Variants in SAMD12 observed in about 807,000 individuals in gnomAD.
SAMD12 encodes sterile alpha motif domain containing 12, also known as sterile alpha motif domain-containing protein 12.
Under a neutral mutation model 15.0 loss-of-function variants are expected in SAMD12, and 9 were observed. The ratio of observed to expected loss-of-function variants is 0.60; its 90% CI spans 0.36 to 1.05. The LOEUF (loss-of-function observed/expected upper bound fraction) is 1.05, where lower values mean the gene tolerates loss of function less well. SAMD12 is among the 50% of genes least tolerant of loss of function. The probability of loss-of-function intolerance (pLI) is 0.01; values close to 1 mark genes in which losing one functional copy is unlikely to be tolerated. For missense variants in SAMD12, 230 were observed against 234.2 expected (o/e 0.98, Z 0.12); for synonymous variants, 86 against 90.1 (o/e 0.96, Z 0.25).
intron 2 of SAMD12, among the ~76,000 whole-genome samples, chr8:118,470,136 T>C (rs73708329): frequency 0.016 from 2,500 of 152,190 alleles, 67 homozygotes; most frequent in African/African-American, 0.056. Context: ...CACCAAGATA[T>C]AGTGTGAGAA....
At chr8:118,133,005 T>C in the SAMD12 span, among the ~76,000 whole-genome samples, 2 of 109,706 alleles carry the variant, frequency 1.8e-5, no homozygotes, top group Non-Finnish European at 4.0e-5. Flanking sequence ...TATATATATA[T>C]ATATATATAT....
intron 2 of SAMD12, among the ~76,000 whole-genome samples, chr8:118,483,541 TTAG>T (rs1381621953): frequency 6.6e-6 from 1 of 151,894 alleles, no homozygotes; most frequent in Non-Finnish European, 1.5e-5. Flanking sequence ...GACATTTTAT[TTAG>T]TAGTAAGTAG....
chr8:118,428,323 T>A (rs139157313), intron 3 of SAMD12, among the ~76,000 whole-genome samples: 6 of 152,018 alleles, frequency 3.9e-5, no homozygotes, highest in Non-Finnish European at 8.8e-5. Context: ...CCCAGCTACA[T>A]GTGAGGTTGG....
chr8:118,619,052 A>T (rs140985358), intron 1 of SAMD12, among the ~76,000 whole-genome samples: 2 of 152,294 alleles, frequency 1.3e-5, no homozygotes, highest in East Asian at 3.9e-4. Context: ...TGGCCTCGTT[A>T]TACGGGATGG....
rs373380548 is a variant in SAMD12, at chr8:118,353,019, G to A, written c.433+26541C>T. ...AGAATACAAGGAAAATAAAAATCACGTTAAACCACCATCCAGATAGACCAC... is the reference window on the plus strand; with the variant it reads ...AGAATACAAGGAAAATAAAAATCACATTAAACCACCATCCAGATAGACCAC... On this transcript the variant is annotated intron_variant, in intron 4 of 4. Transcript: ENST00000409003. 3.9e-5 allele frequency among the ~76,000 whole-genome samples: 6 copies of A among 152,026 alleles called. No homozygotes were observed. The East Asian group carries it at 7.7e-4, about 20-fold the overall frequency.
intron 4 of SAMD12, among the ~76,000 whole-genome samples, chr8:118,268,490 T>C (rs544038820): frequency 5.5e-4 from 84 of 152,156 alleles, no homozygotes; most frequent in Non-Finnish European, 9.1e-4. Flanking sequence ...CCAAACTCTA[T>C]ACCAGTTGTC....
At chr8:118,257,014 C>G (rs1812961212) in intron 4 of SAMD12, among the ~76,000 whole-genome samples, 1 of 152,042 alleles carries the variant, frequency 6.6e-6, no homozygotes, top group Non-Finnish European at 1.5e-5. Flanking sequence ...CATCTTATAA[C>G]ACTCTACTGC....
In SAMD12 at chr8:118,502,525, T is replaced by C. The variant is rs116839146; in HGVS notation, c.193-62564A>G. 4.5e-3 allele frequency among the ~76,000 whole-genome samples: 687 copies of C among 152,336 alleles called. 3 individuals are homozygous for C. Among genetic ancestry groups the C allele is most frequent in the African/African-American group, 0.015 (635 of 41,572 alleles). Reference sequence around the variant, plus strand: ...GAAATAGAAATGACAGGAAAATCTTTTTTCTAATAACTGTGTAAAAGTCAG... The same window carrying C: ...GAAATAGAAATGACAGGAAAATCTTCTTTCTAATAACTGTGTAAAAGTCAG... On this transcript the variant is annotated intron_variant, in intron 2 of 3. Coordinates refer to ENST00000314727, the MANE Select transcript of SAMD12 (RefSeq NM_207506.3).
intron 4 of SAMD12, among the ~76,000 whole-genome samples, chr8:118,329,176 A>ATCTC (rs1457053324): frequency 6.6e-6 from 1 of 152,138 alleles, no homozygotes; most frequent in East Asian, 1.9e-4. Context: ...AGTGGAAGGA[A>ATCTC]CATGGTACTC....
At chr8:118,375,214 T>TAGCC (rs760180637), downstream of SAMD12, among the ~76,000 whole-genome samples, 42 of 152,146 alleles carry the variant, frequency 2.8e-4, no homozygotes, top group Non-Finnish European at 5.6e-4. Context: ...TGGAAATTAT[T>TAGCC]AGCCCATTTG....
At chr8:118,529,939 T>G (rs1164223884) in intron 2 of SAMD12, among the ~76,000 whole-genome samples, 1 of 152,214 alleles carries the variant, frequency 6.6e-6, no homozygotes, top group Non-Finnish European at 1.5e-5. Flanking sequence ...TTTTAGTTCT[T>G]TGAGAAATCT....
the SAMD12 span, among the ~76,000 whole-genome samples, chr8:118,182,041 C>T: frequency 6.6e-6 from 1 of 152,124 alleles, no homozygotes; most frequent in African/African-American, 2.4e-5. Context: ...CACTTGGCCG[C>T]AGTAGTCTCT....
chr8:118,486,334 T>G (rs1824283450), intron 2 of SAMD12, among the ~76,000 whole-genome samples: 1 of 151,414 alleles, frequency 6.6e-6, no homozygotes, highest in South Asian at 2.1e-4. Flanking sequence ...GAGAATGGCG[T>G]GAACCTGGGA....
At chr8:118,335,125 G>A (rs934345519) in intron 4 of SAMD12, among the ~76,000 whole-genome samples, 9 of 152,034 alleles carry the variant, frequency 5.9e-5, no homozygotes, top group Admixed American at 1.3e-4. Flanking sequence ...GTCCAGAAAC[G>A]TCCTAGCCCC....
chr8:118,408,203 C>T (rs1218221118), intron 3 of SAMD12, among the ~76,000 whole-genome samples: 1 of 152,156 alleles, frequency 6.6e-6, no homozygotes, highest in Non-Finnish European at 1.5e-5. Flanking sequence ...CCCTTGTATA[C>T]ATGCTACAAA....
At chr8:118,330,978 G>A (rs1418575746) in intron 4 of SAMD12, among the ~76,000 whole-genome samples, 5 of 152,136 alleles carry the variant, frequency 3.3e-5, no homozygotes, top group Non-Finnish European at 7.4e-5. Flanking sequence ...AGAAAAAAAA[G>A]AAGGAATATG....
At chr8:118,180,708 G>A in the SAMD12 span, among the ~76,000 whole-genome samples, 1 of 152,124 alleles carries the variant, frequency 6.6e-6, no homozygotes, top group African/African-American at 2.4e-5. Flanking sequence ...GAGTAGCTGG[G>A]ATTACTGGCA....
At chr8:118,573,153 T>C (rs1051484857) in intron 2 of SAMD12, among the ~76,000 whole-genome samples, 4 of 152,112 alleles carry the variant, frequency 2.6e-5, no homozygotes, top group African/African-American at 7.2e-5. Flanking sequence ...GGTGCGTTCC[T>C]GGCTCACTGC....
chr8:118,400,350 C>T (rs1820807891), intron 3 of SAMD12: 1 of 152,188 alleles, frequency 6.6e-6, no homozygotes, highest in Admixed American at 6.5e-5. Context: ...TGCCGTGGGT[C>T]AAATCTAGGA....
Sources: gnomAD v4.1 joint callset for allele counts (sites outside exome capture counted in the v4.1 genomes callset) on GRCh38, gnomAD v4.1.1 for gene constraint, MANE v1.5 for transcripts, NCBI Gene and HGNC (gene_info 2026-07-23, HGNC 2026-07-21) for gene names.